GRIN3A: variants seen among roughly 807,000 people sequenced by gnomAD.
The protein encoded by GRIN3A is glutamate ionotropic receptor NMDA type subunit 3A.
GRIN3A carries 47 observed loss-of-function variants against 92.4 expected under a neutral mutation model. The observed-to-expected ratio is 0.51, with a 90% confidence interval of 0.40 to 0.65. The LOEUF is 0.65. Among genes scored for constraint, GRIN3A ranks in the 30% least tolerant of loss-of-function variants. GRIN3A has a pLI of 0.00. For synonymous variants in GRIN3A, 527 were observed against 540.6 expected (o/e 0.97, Z 0.35); for missense variants, 1,324 against 1,393.1 (o/e 0.95, Z 0.79).
intron 1 of GRIN3A, among the ~76,000 whole-genome samples, chr9:101,726,245 G>C (rs1025657552): frequency 6.6e-6 from 1 of 152,190 alleles, no homozygotes; most frequent in African/African-American, 2.4e-5. Flanking sequence ...AAATTGATTA[G>C]AGTTGTAAAG....
intron 6 of GRIN3A, among the ~76,000 whole-genome samples, chr9:101,606,334 C>T (rs1440284426): frequency 1.3e-5 from 2 of 152,104 alleles, no homozygotes; most frequent in Non-Finnish European, 2.9e-5. Flanking sequence ...GCTCCCTGGA[C>T]CTGAGGTAGA....
chr9:101,572,660 A>G lies in GRIN3A; in HGVS notation c.*514T>C, dbSNP rs145442469. On this transcript the variant is annotated 3_prime_UTR_variant, in exon 9 of 9. Coordinates refer to ENST00000361820, the MANE Select transcript of GRIN3A (RefSeq NM_133445.3). ...TAATGAGTTAATTTTTAAATACCCC[A>G]CCCCCAGTGGGAGGTGCTCTGCTCT... The G allele has an allele frequency of 5.4e-3, 907 of 168,312 alleles. 10 individuals are homozygous for G. The highest frequency in any genetic ancestry group is 0.02 in the African/African-American group (838 of 41,682). 10.4% of individuals were successfully genotyped at this position (168,312 alleles called of 1,614,324 possible).
rs1217162006 is a variant in GRIN3A at position 101,686,813 on chromosome 9, C to T, written c.1087G>A (p.Glu363Lys). The change falls in exon 2 of 9, where the codon GAG becomes AAG. Residue 363 changes from glutamate (E) to lysine (K), a missense_variant. Coordinates refer to ENST00000361820, the MANE Select transcript of GRIN3A (RefSeq NM_133445.3). Reference sequence around the variant, plus strand: ...GGCAGACCCTCTGTCCTCAGTTCCTCCACATTCTGGGAATCTCCCAGCACC... The same window carrying T: ...GGCAGACCCTCTGTCCTCAGTTCCTTCACATTCTGGGAATCTCCCAGCACC... ...RWVLGDSQNV[E>K]ELRTEGLPLG... is the part of the protein sequence containing the mutation. 2 of 1,614,174 alleles carry T rather than the reference C, an allele frequency of 1.2e-6. No individual in the cohort carries two copies. Among genetic ancestry groups the T allele is most frequent in the East Asian group, 4.5e-5 (2 of 44,880 alleles).
At chr9:101,602,708 C>T (rs551065317) in intron 6 of GRIN3A, among the ~76,000 whole-genome samples, 1 of 152,242 alleles carries the variant, frequency 6.6e-6, no homozygotes, top group Non-Finnish European at 1.5e-5. Flanking sequence ...ACTCTTATTC[C>T]GAGAGGTCTG....
At chr9:101,726,662 A>C (rs920391871) in intron 1 of GRIN3A, among the ~76,000 whole-genome samples, 1 of 151,502 alleles carries the variant, frequency 6.6e-6, no homozygotes, top group Non-Finnish European at 1.5e-5. Flanking sequence ...CCCATTTAAA[A>C]ATTTTTATTT....
chr9:101,571,943 A>T lies in GRIN3A; in HGVS notation c.*1231T>A, dbSNP rs1434178237. Reference sequence around the variant, plus strand: ...CATATTCCTTTCCCTTGCTGCCTAAACTTGATATGCTGAGAAAGTGACACC... The same window carrying T: ...CATATTCCTTTCCCTTGCTGCCTAATCTTGATATGCTGAGAAAGTGACACC... On this transcript the variant is annotated 3_prime_UTR_variant, in exon 9 of 9. Transcript: ENST00000361820. The T allele has an allele frequency of 6.6e-6, 1 of 152,204 alleles. No individual in the cohort carries two copies. Among genetic ancestry groups the T allele is most frequent in the Non-Finnish European group, 1.5e-5 (1 of 68,076 alleles). The allele number at this position is 152,204 out of a possible 1,614,324, so 9.4% of individuals were successfully genotyped here. A position where few individuals can be genotyped will look rare whatever the true frequency, so the allele number is the denominator to read the frequency against.
intron 3 of GRIN3A, among the ~76,000 whole-genome samples, chr9:101,651,939 A>G (rs1250612132): frequency 6.6e-6 from 1 of 151,948 alleles, no homozygotes; most frequent in Non-Finnish European, 1.5e-5. Flanking sequence ...AAATCACTAG[A>G]GTGGATTCTG....
intron 6 of GRIN3A, among the ~76,000 whole-genome samples, chr9:101,606,015 G>C (rs1342620014): frequency 2.0e-5 from 3 of 152,200 alleles, no homozygotes; most frequent in African/African-American, 7.2e-5. Context: ...AGTGATGGGA[G>C]AGCCAGGGTG....
intron 6 of GRIN3A, among the ~76,000 whole-genome samples, chr9:101,610,580 T>TCTAG (rs1035369803): frequency 1.1e-4 from 14 of 129,778 alleles, no homozygotes; most frequent in African/African-American, 3.9e-4. Context: ...CATCCATCTA[T>TCTAG]CTATCTATCT....
intron 6 of GRIN3A, among the ~76,000 whole-genome samples, chr9:101,606,906 ATTTTTTTTTT>A (rs536780165): frequency 3.5e-5 from 3 of 86,212 alleles, no homozygotes; most frequent in African/African-American, 4.6e-5. Flanking sequence ...AAAAAATTAC[ATTTTTTTTTT>A]TTTTTTTTTT....
intron 6 of GRIN3A, among the ~76,000 whole-genome samples, chr9:101,611,294 C>A (rs1828364669): frequency 1.3e-5 from 2 of 152,070 alleles, no homozygotes; most frequent in South Asian, 2.1e-4. Context: ...TGGCTTGTAG[C>A]TGCATGCTCC....
intron 3 of GRIN3A, among the ~76,000 whole-genome samples, chr9:101,636,158 C>T (rs1564131959): frequency 6.6e-6 from 1 of 152,196 alleles, no homozygotes; most frequent in Non-Finnish European, 1.5e-5. Context: ...ATTGGGATTA[C>T]AGGCGTGAGC....
chr9:101,569,823 T>G lies in GRIN3A; in HGVS notation c.*3351A>C, dbSNP rs1378119790. On this transcript the variant is annotated 3_prime_UTR_variant, in exon 9 of 9. Transcript: ENST00000361820. ...AAAGTAGTTTCTTTCCCCTTTATTC[T>G]TTACCCACACCAAGGAAGTGCTTAA... 6.6e-6 allele frequency: 1 copy of G among 152,184 alleles called. No homozygotes were observed. The highest frequency in any genetic ancestry group is 1.5e-5 in the Non-Finnish European group (1 of 68,028). The allele number at this position is 152,184 out of a possible 1,614,324, so 9.4% of individuals were successfully genotyped here. A position where few individuals can be genotyped will look rare whatever the true frequency, so the allele number is the denominator to read the frequency against.
intron 3 of GRIN3A, among the ~76,000 whole-genome samples, chr9:101,646,323 G>A (rs556424201): frequency 1.3e-5 from 2 of 151,834 alleles, no homozygotes; most frequent in East Asian, 3.9e-4. Context: ...AGTTATTGAA[G>A]AGACTGTCTC....
chr9:101,663,122 C>T (rs1010479856), intron 3 of GRIN3A, among the ~76,000 whole-genome samples: 3 of 151,884 alleles, frequency 2.0e-5, no homozygotes, highest in Admixed American at 1.3e-4. Context: ...GATTCTGCAC[C>T]TGCAGCCCCA....
chr9:101,639,555 G>A (rs1305825922), intron 3 of GRIN3A, among the ~76,000 whole-genome samples: 1 of 152,168 alleles, frequency 6.6e-6, no homozygotes, highest in Non-Finnish European at 1.5e-5. Flanking sequence ...GCCAAACCTA[G>A]AGTCAGCAAT....
At chr9:101,603,421 A>G (rs1442369109) in intron 6 of GRIN3A, among the ~76,000 whole-genome samples, 2 of 152,224 alleles carry the variant, frequency 1.3e-5, no homozygotes, top group African/African-American at 4.8e-5. Flanking sequence ...ACTTTCAGTC[A>G]GGCCCTATTA....
intron 3 of GRIN3A, among the ~76,000 whole-genome samples, chr9:101,634,667 A>G (rs1828761428): frequency 6.6e-6 from 1 of 152,192 alleles, no homozygotes; most frequent in South Asian, 2.1e-4. Context: ...TTCTGCATTT[A>G]TAGACTTGTA....
At chr9:101,696,264 A>G (rs1292390800) in intron 1 of GRIN3A, among the ~76,000 whole-genome samples, 1 of 152,236 alleles carries the variant, frequency 6.6e-6, no homozygotes, top group Non-Finnish European at 1.5e-5. Context: ...AAAGTGCTTT[A>G]TGAAGTGGAG....
Sources: gnomAD v4.1 joint callset for allele counts (sites outside exome capture counted in the v4.1 genomes callset) on GRCh38, gnomAD v4.1.1 for gene constraint, MANE v1.5 for transcripts, NCBI Gene and HGNC (gene_info 2026-07-23, HGNC 2026-07-21) for gene names.